The following AGBL4 variants were observed in gnomAD, a reference collection of about 807,000 sequenced individuals.
AGBL4 encodes the protein AGBL carboxypeptidase 4, also known as cytosolic carboxypeptidase 6.
AGBL4 carries 58 observed loss-of-function variants against 66.4 expected under a neutral mutation model. The observed-to-expected ratio is 0.87, with a 90% confidence interval of 0.71 to 1.09. The LOEUF is 1.09. Ranked by LOEUF, AGBL4 falls within the 50% of genes least tolerant of loss-of-function variation. The pLI, the probability that AGBL4 is intolerant of heterozygous loss-of-function variation, is 0.00. For missense variants in AGBL4, 579 were observed against 631.0 expected (o/e 0.92, Z 0.88); for synonymous variants, 234 against 222.9 (o/e 1.05, Z -0.44).
At chr1:49,592,470 T>A (rs1219294142) in intron 3 of AGBL4, among the ~76,000 whole-genome samples, 2 of 152,286 alleles carry the variant, frequency 1.3e-5, no homozygotes, top group East Asian at 3.9e-4. Context: ...CTTGGGAGGC[T>A]GAGGCAGGAG....
chr1:48,596,906 C>CAGCT (rs1312301635), intron 9 of AGBL4, among the ~76,000 whole-genome samples: 1 of 152,110 alleles, frequency 6.6e-6, no homozygotes, highest in African/African-American at 2.4e-5. Context: ...TCCAGACAGC[C>CAGCT]AGCTCAAGGA....
chr1:49,743,172 C>A (rs1571460575), intron 2 of AGBL4, among the ~76,000 whole-genome samples: 1 of 152,264 alleles, frequency 6.6e-6, no homozygotes, highest in East Asian at 1.9e-4. Context: ...GGGCTAACAT[C>A]CGGAATCTAC....
At chr1:49,049,088 C>A (rs961075508) in intron 4 of AGBL4, among the ~76,000 whole-genome samples, 1 of 152,128 alleles carries the variant, frequency 6.6e-6, no homozygotes, top group African/African-American at 2.4e-5. Context: ...GCATCATCAT[C>A]CATTTCACCC....
intron 3 of AGBL4, among the ~76,000 whole-genome samples, chr1:49,336,253 G>C (rs1645435580): frequency 6.6e-6 from 1 of 152,074 alleles, no homozygotes; most frequent in Admixed American, 6.5e-5. Flanking sequence ...GTAAGTTCCA[G>C]TCTGACTTTG....
intron 4 of AGBL4, among the ~76,000 whole-genome samples, chr1:49,156,246 A>T (rs1413652294): frequency 6.6e-6 from 1 of 152,190 alleles, no homozygotes; most frequent in Non-Finnish European, 1.5e-5. Flanking sequence ...ATAGATGGGA[A>T]ATTCACAATC....
chr1:48,605,450 C>T (rs77628445), intron 9 of AGBL4, among the ~76,000 whole-genome samples: 3,396 of 152,274 alleles, frequency 0.022, 119 homozygotes, highest in African/African-American at 0.078. Context: ...CCTTGCCCTG[C>T]CCAGCCTTCC....
intron 1 of AGBL4, chr1:49,995,804 A>G (rs1372552391): frequency 6.5e-6 from 1 of 153,432 alleles, no homozygotes; most frequent in African/African-American, 2.4e-5. Context: ...CTCCCCTGCT[A>G]CCTGCACCAG....
At chr1:49,121,894 A>C (rs1364362952) in intron 4 of AGBL4, among the ~76,000 whole-genome samples, 2 of 152,100 alleles carry the variant, frequency 1.3e-5, no homozygotes, top group Non-Finnish European at 2.9e-5. Flanking sequence ...TGCTTTGTTT[A>C]CCTACTCAAA....
chr1:49,105,011 A>G (rs1645267653), intron 4 of AGBL4, among the ~76,000 whole-genome samples: 1 of 152,144 alleles, frequency 6.6e-6, no homozygotes, highest in Non-Finnish European at 1.5e-5. Flanking sequence ...TCTGTTTCAA[A>G]CCAGTACTAA....
chr1:49,357,530 T>C (rs1406561685), intron 3 of AGBL4, among the ~76,000 whole-genome samples: 1 of 152,172 alleles, frequency 6.6e-6, no homozygotes, highest in East Asian at 1.9e-4. Flanking sequence ...ACACAGGTAC[T>C]AGAGTAAGAA....
intron 2 of AGBL4, among the ~76,000 whole-genome samples, chr1:49,737,615 T>C (rs539492678): frequency 8.5e-5 from 13 of 152,176 alleles, no homozygotes; most frequent in African/African-American, 3.1e-4. Context: ...GATCCAAACT[T>C]CAAACTTCAG....
chr1:49,750,313 T>C (rs564835196), intron 2 of AGBL4, among the ~76,000 whole-genome samples: 1 of 152,272 alleles, frequency 6.6e-6, no homozygotes, highest in African/African-American at 2.4e-5. Flanking sequence ...TTTCTGCATA[T>C]GGCTAGCCAG....
intron 11 of AGBL4, among the ~76,000 whole-genome samples, chr1:48,554,056 G>A (rs1644286787): frequency 6.6e-6 from 1 of 152,178 alleles, no homozygotes; most frequent in Non-Finnish European, 1.5e-5. Flanking sequence ...GCTGAAGTCT[G>A]GGCCATTCTG....
intron 6 of AGBL4, among the ~76,000 whole-genome samples, chr1:48,724,665 G>C (rs1365727055): frequency 6.6e-6 from 1 of 152,178 alleles, no homozygotes; most frequent in African/African-American, 2.4e-5. Flanking sequence ...CAGCAGTGCA[G>C]TTTGGGGGGT....
At chr1:48,917,408 G>GAA (rs59949945) in intron 5 of AGBL4, among the ~76,000 whole-genome samples, 1 of 151,242 alleles carries the variant, frequency 6.6e-6, no homozygotes, top group Non-Finnish European at 1.5e-5. Flanking sequence ...GCTGGAGGTA[G>GAA]AAAAAAAAAT....
At chr1:48,930,709 G>A (rs1176573276) in intron 5 of AGBL4, among the ~76,000 whole-genome samples, 2 of 152,162 alleles carry the variant, frequency 1.3e-5, no homozygotes, top group African/African-American at 4.8e-5. Context: ...AAGAGGGCTT[G>A]TATATGGCAT....
intron 5 of AGBL4, among the ~76,000 whole-genome samples, chr1:49,027,605 C>T (rs1663824146): frequency 6.6e-6 from 1 of 152,126 alleles, no homozygotes; most frequent in South Asian, 2.1e-4. Context: ...TCCCTCTCTA[C>T]CTACTTCCTA....
chr1:49,564,899 C>A (rs1267595182), intron 3 of AGBL4, among the ~76,000 whole-genome samples: 1 of 152,140 alleles, frequency 6.6e-6, no homozygotes, highest in Non-Finnish European at 1.5e-5. Flanking sequence ...CTAATGTTGA[C>A]AGTGGGGTGT....
chr1:49,345,612 T>G (rs1175892669), intron 3 of AGBL4, among the ~76,000 whole-genome samples: 5 of 152,204 alleles, frequency 3.3e-5, no homozygotes, highest in Admixed American at 3.3e-4. Context: ...GATGACTTTT[T>G]GCCTAAATTG....
Sources: allele counts gnomAD v4.1 joint callset (sites outside exome capture counted in the v4.1 genomes callset), GRCh38; gene constraint gnomAD v4.1.1; transcripts MANE v1.5; gene names NCBI Gene and HGNC (gene_info 2026-07-23, HGNC 2026-07-21).